Variants in ATP8A2 observed in about 807,000 individuals in gnomAD.
ATP8A2 encodes ATPase phospholipid transporting 8A2, also known as phospholipid-transporting ATPase IB.
In ATP8A2, 100 loss-of-function variants were observed where a neutral mutation model predicts 165.6. The ratio of observed to expected loss-of-function variants is 0.60; its 90% CI spans 0.51 to 0.71. ATP8A2 has a LOEUF of 0.71. Among genes scored for constraint, ATP8A2 ranks in the 30% least tolerant of loss-of-function variants. ATP8A2 has a pLI of 0.00. For synonymous variants in ATP8A2, 543 were observed against 548.8 expected, an observed-to-expected ratio of 0.99 and a Z score of 0.15; for missense variants, 1,227 against 1,479.5, an observed-to-expected ratio of 0.83 and a Z score of 2.80.
At chr13:25,664,981 T>TTTTAA (rs2042121377) in intron 24 of ATP8A2, among the ~76,000 whole-genome samples, 2 of 150,732 alleles carry the variant, frequency 1.3e-5, no homozygotes, top group African/African-American at 4.9e-5. Context: ...AAAATAACTT[T>TTTTAA]CTGTGGCATC....
chr13:25,864,905 T>G (rs540290222), intron 33 of ATP8A2, among the ~76,000 whole-genome samples: 1 of 152,230 alleles, frequency 6.6e-6, no homozygotes, highest in African/African-American at 2.4e-5. Flanking sequence ...TGTGTAACTT[T>G]AGTGTCACAG....
At chr13:25,498,824 C>T (rs913366993) in intron 2 of ATP8A2, among the ~76,000 whole-genome samples, 1 of 152,134 alleles carries the variant, frequency 6.6e-6, no homozygotes, top group African/African-American at 2.4e-5. Context: ...GAGGCATGGA[C>T]TGATTAAATA....
intron 27 of ATP8A2, among the ~76,000 whole-genome samples, chr13:25,792,979 A>G: frequency 6.9e-6 from 1 of 144,232 alleles, no homozygotes; most frequent in South Asian, 2.5e-4. Flanking sequence ...AGGGGAGGAG[A>G]GGAGAGGAGG....
intron 24 of ATP8A2, among the ~76,000 whole-genome samples, chr13:25,662,861 T>A (rs2042079385): frequency 6.6e-6 from 1 of 152,216 alleles, no homozygotes; most frequent in African/African-American, 2.4e-5. Context: ...ATCAATGAGA[T>A]CTTTATATGC....
At chr13:25,958,130 T>G (rs1955570277) in intron 33 of ATP8A2, among the ~76,000 whole-genome samples, 1 of 151,310 alleles carries the variant, frequency 6.6e-6, no homozygotes, top group Non-Finnish European at 1.5e-5. Context: ...CAGGACCTGT[T>G]GTGGGGTGGG....
At chr13:25,617,412 G>A (rs1325133435) in intron 24 of ATP8A2, among the ~76,000 whole-genome samples, 1 of 152,122 alleles carries the variant, frequency 6.6e-6, no homozygotes, top group African/African-American at 2.4e-5. Context: ...TTAAATGTTA[G>A]GTTTTGTCAT....
intron 24 of ATP8A2, among the ~76,000 whole-genome samples, chr13:25,647,219 T>G (rs908475635): frequency 2.0e-5 from 3 of 152,258 alleles, no homozygotes; most frequent in African/African-American, 7.2e-5. Flanking sequence ...ACTATTATGT[T>G]ATTAATTCAC....
intron 26 of ATP8A2, among the ~76,000 whole-genome samples, chr13:25,770,059 T>C (rs1705922862): frequency 6.6e-6 from 1 of 152,210 alleles, no homozygotes; most frequent in South Asian, 2.1e-4. Flanking sequence ...ACCGACTCCA[T>C]CTTGCTTCTA....
chr13:25,892,551 A>G (rs557539730), intron 33 of ATP8A2, among the ~76,000 whole-genome samples: 1 of 147,002 alleles, frequency 6.8e-6, no homozygotes, highest in African/African-American at 2.6e-5. Context: ...AAATAAGTCA[A>G]AAGGCAATGG....
intron 18 of ATP8A2, among the ~76,000 whole-genome samples, chr13:25,572,726 C>T (rs2039503349): frequency 6.6e-6 from 1 of 152,062 alleles, no homozygotes; most frequent in Non-Finnish European, 1.5e-5. Flanking sequence ...TCCCTGCCAT[C>T]CCTTGCCTTT....
chr13:25,958,956 A>C (rs543270117), intron 33 of ATP8A2, among the ~76,000 whole-genome samples: 1 of 152,200 alleles, frequency 6.6e-6, no homozygotes, highest in South Asian at 2.1e-4. Flanking sequence ...TTTGAGTTAC[A>C]ATCTATTTTA....
chr13:25,765,868 G>A (rs968837087), intron 25 of ATP8A2, among the ~76,000 whole-genome samples: 3 of 152,046 alleles, frequency 2.0e-5, no homozygotes, highest in East Asian at 3.9e-4. Flanking sequence ...AAAAAAACCC[G>A]GGTCTGTTTA....
In ATP8A2 at chr13:25,637,250, G is replaced by A. The variant is rs142232240; in HGVS notation, c.2211+47551G>A. Among the ~76,000 whole-genome samples the A allele has an allele frequency of 4.3e-3, 656 of 152,242 alleles. 2 individuals carry two copies. The highest frequency in any genetic ancestry group is 0.034 in the Middle Eastern group (10 of 294). On this transcript the variant is annotated intron_variant, in intron 24 of 36. Transcript: ENST00000381655. The stretch of plus-strand genomic sequence containing the variant: ...TGGGTTCATCTCACTGGGGCTAGTT[G>A]GACAGTAGGTGCAGGACAGTGGGTG...
At chr13:25,884,272 A>G (rs916257504) in intron 33 of ATP8A2, among the ~76,000 whole-genome samples, 2 of 152,154 alleles carry the variant, frequency 1.3e-5, no homozygotes, top group African/African-American at 2.4e-5. Flanking sequence ...GAAGGATTCA[A>G]CAAGTTTATG....
chr13:25,788,487 G>A (rs2045087712), intron 27 of ATP8A2, among the ~76,000 whole-genome samples: 1 of 152,172 alleles, frequency 6.6e-6, no homozygotes, highest in African/African-American at 2.4e-5. Flanking sequence ...GGGTTAGAAG[G>A]TGTGCCCACG....
intron 10 of ATP8A2, among the ~76,000 whole-genome samples, chr13:25,543,609 A>G (rs150614485): frequency 1.6e-4 from 25 of 152,326 alleles, no homozygotes; most frequent in Admixed American, 3.3e-4. Context: ...TGCCTGAACT[A>G]CAAATGGTCT....
chr13:25,621,274 A>G (rs995547352), intron 24 of ATP8A2, among the ~76,000 whole-genome samples: 13 of 152,224 alleles, frequency 8.5e-5, no homozygotes, highest in African/African-American at 1.9e-4. Flanking sequence ...TGAAATCTAC[A>G]TAAGTGTGTT....
chr13:25,729,727 A>G (rs1442096068), intron 25 of ATP8A2, among the ~76,000 whole-genome samples: 3 of 152,164 alleles, frequency 2.0e-5, no homozygotes, highest in Non-Finnish European at 4.4e-5. Flanking sequence ...CTGAAAAAAA[A>G]AAGCTGAAAT....
chr13:25,831,361 C>T (rs1478462319), intron 28 of ATP8A2, among the ~76,000 whole-genome samples: 1 of 151,674 alleles, frequency 6.6e-6, no homozygotes, highest in Non-Finnish European at 1.5e-5. Context: ...ATTACAGTCG[C>T]CCGCCACCGC....
Sources: gnomAD v4.1 joint callset for allele counts (sites outside exome capture counted in the v4.1 genomes callset) on GRCh38, gnomAD v4.1.1 for gene constraint, MANE v1.5 for transcripts, NCBI Gene and HGNC (gene_info 2026-07-23, HGNC 2026-07-21) for gene names.